The following ABCC9 variants were observed in gnomAD, a reference collection of about 807,000 sequenced individuals.
ABCC9 encodes the protein ATP binding cassette subfamily C member 9.
ABCC9 carries 95 observed loss-of-function variants against 188.3 expected under a neutral mutation model. That is an observed-to-expected ratio of 0.50 (90% CI 0.43 to 0.60). The LOEUF is 0.60. Among genes scored for constraint, ABCC9 ranks in the 20% least tolerant of loss-of-function variants. ABCC9 has a pLI of 0.00. For synonymous variants in ABCC9, 659 were observed against 652.7 expected, an observed-to-expected ratio of 1.01 and a Z score of -0.15; for missense variants, 1,102 against 1,876.3, an observed-to-expected ratio of 0.59 and a Z score of 7.62.
intron 16 of ABCC9, 82 bp from the exon 17 acceptor site, chr12:21,875,808 G>C: frequency 8.7e-7 from 1 of 1,153,918 alleles, no homozygotes; most frequent in Non-Finnish European, 1.3e-6. Flanking sequence ...TTGTAGGCCA[G>C]GCGCAGTGGC....
chr12:21,896,997 C>T (rs1036259367), intron 12 of ABCC9, among the ~76,000 whole-genome samples: 9 of 152,198 alleles, frequency 5.9e-5, no homozygotes, highest in Non-Finnish European at 1.3e-4. Flanking sequence ...AATCACCACA[C>T]TGGTCTTCCA....
intron 2 of ABCC9, chr12:21,938,108 T>C (rs943087394): frequency 2.6e-5 from 4 of 152,012 alleles, no homozygotes; most frequent in Non-Finnish European, 4.4e-5. Flanking sequence ...ACAGAAAAGA[T>C]TGTCAATGGT....
chr12:21,877,370 A>G (rs533190536), intron 16 of ABCC9, among the ~76,000 whole-genome samples: 12 of 152,242 alleles, frequency 7.9e-5, no homozygotes, highest in Non-Finnish European at 1.6e-4. Context: ...CTGAATGTCA[A>G]TGAAAGCATT....
intron 14 of ABCC9, among the ~76,000 whole-genome samples, chr12:21,892,572 C>T (rs188224405): frequency 1.2e-4 from 19 of 152,188 alleles, no homozygotes; most frequent in Admixed American, 6.6e-4. Context: ...TTTCAGAAGG[C>T]AGAACAATAA....
chr12:21,896,708 T>TA (rs1448686902), intron 12 of ABCC9, among the ~76,000 whole-genome samples: 2 of 152,160 alleles, frequency 1.3e-5, no homozygotes, highest in Non-Finnish European at 2.9e-5. Flanking sequence ...TTGGTTAGGA[T>TA]AATGGCTTCC....
rs147468138 is a variant in ABCC9 at position 21,895,508 on chromosome 12, A to G, written c.1619-193T>C. Among the ~76,000 whole-genome samples, 144 of 152,328 alleles carry G rather than the reference A, an allele frequency of 9.5e-4. 1 individual carries two copies. The highest frequency in any genetic ancestry group is 3.0e-3 in the Admixed American group (46 of 15,304). ...TGTGCAGTTTTATGAGTTCCCATAC[A>G]TTAGTCTTAACCAGTTTCTGTTTTT... On this transcript the variant is annotated intron_variant, in intron 12 of 39. Coordinates refer to ENST00000261200, the MANE Select transcript of ABCC9 (RefSeq NM_020297.4).
intron 12 of ABCC9, among the ~76,000 whole-genome samples, chr12:21,898,630 T>C: frequency 6.6e-6 from 1 of 152,160 alleles, no homozygotes; most frequent in Middle Eastern, 3.2e-3. Context: ...ATATATAAAC[T>C]TCCAAAATTT....
intron 25 of ABCC9, 30 bp downstream of exon 25, chr12:21,848,120 A>AAT: frequency 6.3e-7 from 1 of 1,590,220 alleles, no homozygotes; most frequent in Non-Finnish European, 8.6e-7. Context: ...ATCCCATTAG[A>AAT]ATGTTCCAGA....
chr12:21,820,348 T>A (rs1360354738), intron 31 of ABCC9, among the ~76,000 whole-genome samples: 1 of 152,054 alleles, frequency 6.6e-6, no homozygotes, highest in Non-Finnish European at 1.5e-5. Flanking sequence ...TTCTATTCTC[T>A]ACCTCCTGCC....
In ABCC9 at chr12:21,809,759, C is replaced by T. The variant is rs1591942870; in HGVS notation, c.4315+93G>A. 5.2e-6 allele frequency: 4 copies of T among 773,504 alleles called. No homozygotes were observed. The East Asian group carries it at 1.0e-4, about 20-fold the overall frequency. 47.9% of individuals were successfully genotyped at this position (773,504 alleles called of 1,614,324 possible). A position where few individuals can be genotyped will look rare whatever the true frequency, so the allele number is the denominator to read the frequency against. On this transcript the variant is annotated intron_variant, in intron 37 of 39. Transcript: ENST00000261200. ...ATTTTAAATATAAGGGGATTTAACA[C>T]TAAAGTTATGTGATTATAGCATAAA...
intron 18 of ABCC9, among the ~76,000 whole-genome samples, chr12:21,870,063 C>A (rs949062661): frequency 2.6e-5 from 4 of 152,042 alleles, no homozygotes; most frequent in Non-Finnish European, 5.9e-5. Context: ...ATCCTTCACC[C>A]CCTCCTGCCT....
chr12:21,808,765 C>T (rs947313656), intron 37 of ABCC9, among the ~76,000 whole-genome samples: 9 of 126,098 alleles, frequency 7.1e-5, no homozygotes, highest in South Asian at 2.4e-4. Flanking sequence ...GGTAACATAG[C>T]GAGAACTTGT....
intron 22 of ABCC9, among the ~76,000 whole-genome samples, chr12:21,855,912 T>C (rs568708580): frequency 6.6e-6 from 1 of 152,170 alleles, no homozygotes; most frequent in Non-Finnish European, 1.5e-5. Context: ...AATCCAGCCA[T>C]CTGACTTTCT....
At chr12:21,874,924 G>A (rs1265466580) in intron 17 of ABCC9, among the ~76,000 whole-genome samples, 1 of 152,172 alleles carries the variant, frequency 6.6e-6, no homozygotes, top group Non-Finnish European at 1.5e-5. Context: ...GGAAATTGTT[G>A]TTCAATAGTT....
intron 39 of ABCC9, among the ~76,000 whole-genome samples, 170 bp from the exon 40 acceptor site, chr12:21,801,351 A>C (rs1052503004): frequency 2.0e-5 from 3 of 152,150 alleles, no homozygotes; most frequent in African/African-American, 7.2e-5. Context: ...ATTATCATTT[A>C]TTTACATATT....
chr12:21,802,832 A>G (rs192277577), intron 39 of ABCC9, among the ~76,000 whole-genome samples: 45 of 152,224 alleles, frequency 3.0e-4, no homozygotes, highest in African/African-American at 1.1e-3. Flanking sequence ...TTGAGGGCCT[A>G]CATTCTGCCC....
At position 21,912,893 on chromosome 12, in the gene ABCC9, A is replaced by G. The variant is rs757612560; in HGVS notation, c.990T>C (p.Asn330=). The change falls in exon 8 of 40, where the codon AAT becomes AAC. Residue 330 remains asparagine, a synonymous_variant. Coordinates refer to ENST00000261200, the MANE Select transcript of ABCC9 (RefSeq NM_020297.4). ...GIVQRVNETQ[N]GTNNTTGISE... ...TTACTCCAGTTGTGTTATTTGTCCC[A>G]TTCTGGGTTTCATTCACACGCTGAA... 6.2e-7 allele frequency: 1 copy of G among 1,613,548 alleles called. No homozygotes were observed. Among genetic ancestry groups the G allele is most frequent in the Non-Finnish European group, 8.5e-7 (1 of 1,179,622 alleles).
In ABCC9 at chr12:21,882,785, G is replaced by A. The variant is rs397517186; in HGVS notation, c.2000C>T (p.Thr667Ile). The change falls in exon 16 of 40, where the codon ACA (threonine) becomes ATA (isoleucine). Residue 667 changes from threonine to isoleucine, a missense_variant. Thr to Ile is a moderately conservative substitution (Grantham distance 89). Transcript: ENST00000261200. ...AATAACCTTTATTGCAATGTCCTCT[G>A]TTTCTGCGGGACGTAGACGCCGTGT... is the stretch of plus-strand genomic sequence containing the variant. ...QSTRRLRPAETEDIAIKVTNG... is the reference protein window; with the variant it reads ...QSTRRLRPAEIEDIAIKVTNG... The A allele has an allele frequency of 5.0e-6, 8 of 1,612,816 alleles. No homozygotes were observed. The highest frequency in any genetic ancestry group is 6.8e-6 in the Non-Finnish European group (8 of 1,178,838).
chr12:21,837,614 AAAC>A (rs1944167943), intron 30 of ABCC9, among the ~76,000 whole-genome samples: 1 of 152,172 alleles, frequency 6.6e-6, no homozygotes, highest in South Asian at 2.1e-4. Flanking sequence ...TTAAATTCTA[AAAC>A]AACTTTGGTG....
Sources: allele counts gnomAD v4.1 joint callset (sites outside exome capture counted in the v4.1 genomes callset), GRCh38; gene constraint gnomAD v4.1.1; transcripts MANE v1.5; gene names NCBI Gene and HGNC (gene_info 2026-07-23, HGNC 2026-07-21).